SEC16B: variants seen among roughly 807,000 people sequenced by gnomAD.
SEC16B encodes SEC16 homolog B, endoplasmic reticulum export factor, also known as protein transport protein Sec16B.
SEC16B carries 115 observed loss-of-function variants against 141.8 expected under a neutral mutation model. The ratio of observed to expected loss-of-function variants is 0.81; its 90% CI spans 0.70 to 0.95. SEC16B has a LOEUF of 0.95. Ranked by LOEUF, SEC16B falls within the 40% of genes least tolerant of loss-of-function variation. The pLI, the probability that SEC16B is intolerant of heterozygous loss-of-function variation, is 0.00. For synonymous variants in SEC16B, 493 were observed against 492.5 expected (o/e 1.00, Z -0.01); for missense variants, 1,291 against 1,312.3 (o/e 0.98, Z 0.25).
chr1:177,940,474 G>A (rs1571314324), intron 17 of SEC16B, 136 bp downstream of exon 17: 1 of 608,860 alleles, frequency 1.6e-6, no homozygotes, highest in Non-Finnish European at 2.9e-6. Flanking sequence ...GTGCCTCATG[G>A]GTGATGGGAG....
At chr1:177,950,846 G>T (rs1652129550) in intron 12 of SEC16B, among the ~76,000 whole-genome samples, 1 of 150,588 alleles carries the variant, frequency 6.6e-6, no homozygotes, top group Non-Finnish European at 1.5e-5. Context: ...CACAGTAAAG[G>T]ACAGAGGAAG....
intron 5 of SEC16B, among the ~76,000 whole-genome samples, chr1:177,962,969 A>T (rs10737332): frequency 2.6e-5 from 4 of 151,126 alleles, no homozygotes; most frequent in African/African-American, 9.7e-5. Context: ...TTAGCTGGGC[A>T]TGGTGGTGCA....
chr1:177,963,176 C>T (rs952300358), intron 5 of SEC16B, among the ~76,000 whole-genome samples: 6 of 151,902 alleles, frequency 3.9e-5, no homozygotes, highest in African/African-American at 1.2e-4. Context: ...ATGTATGTGG[C>T]TGCTGTCATT....
chr1:177,964,044 G>A (rs1018745322), intron 5 of SEC16B, 127 bp downstream of exon 5: 13 of 629,210 alleles, frequency 2.1e-5, no homozygotes, highest in Non-Finnish European at 3.6e-5. Flanking sequence ...GCCAAGAGGG[G>A]AGGAATGGGT....
upstream of SEC16B, among the ~76,000 whole-genome samples, chr1:177,972,858 C>G (rs1186049826): frequency 6.6e-6 from 1 of 152,048 alleles, no homozygotes; most frequent in African/African-American, 2.4e-5. Context: ...AATTAGTTCC[C>G]TTATAAAAAG....
intron 14 of SEC16B, chr1:177,945,987 C>T (rs1265935864): frequency 3.3e-6 from 1 of 302,326 alleles, no homozygotes; most frequent in African/African-American, 2.2e-5. Context: ...TGCTAGGGCC[C>T]CAAAGAGGGA....
At chr1:177,940,363 A>G (rs1651184327) in intron 17 of SEC16B, among the ~76,000 whole-genome samples, 1 of 152,138 alleles carries the variant, frequency 6.6e-6, no homozygotes, top group African/African-American at 2.4e-5. Context: ...GACTGGGAAG[A>G]GCACCCCACC....
At chr1:177,936,390 T>C (rs1382855029) in intron 19 of SEC16B, 25 bp from the exon 20 acceptor site, 2 of 1,585,760 alleles carry the variant, frequency 1.3e-6, no homozygotes, top group East Asian at 2.2e-5. Flanking sequence ...GAAATGGAAA[T>C]AGCAATTGGA....
rs182045972 is a variant in SEC16B at position 177,963,327 on chromosome 1, G to A, written c.642+844C>T. ...CAAAATTACAACCCCATCTCTGGCC[G>A]AGCGTGGTGGCTCAGGCCTGTAATC... On this transcript the variant is annotated intron_variant, in intron 5 of 25. Coordinates refer to ENST00000308284, the MANE Select transcript of SEC16B (RefSeq NM_033127.4). Among the ~76,000 whole-genome samples, 573 of 151,756 alleles carry A rather than the reference G, an allele frequency of 3.8e-3. 3 individuals are homozygous for A. The highest frequency in any genetic ancestry group is 0.013 in the African/African-American group (538 of 41,454).
At chr1:177,970,426 G>A (rs773523505), upstream of SEC16B, among the ~76,000 whole-genome samples, 20 of 152,136 alleles carry the variant, frequency 1.3e-4, no homozygotes, top group Non-Finnish European at 1.6e-4. Flanking sequence ...CTGAAATGTT[G>A]GTAAAGCAGC....
chr1:177,970,632 G>T (rs546181451), upstream of SEC16B, among the ~76,000 whole-genome samples: 15 of 152,120 alleles, frequency 9.9e-5, no homozygotes, highest in Non-Finnish European at 1.6e-4. Flanking sequence ...AATAAATTCT[G>T]TCATCTAGCT....
intron 1 of SEC16B, among the ~76,000 whole-genome samples, 174 bp downstream of exon 1, chr1:177,969,710 A>T (rs1008528271): frequency 2.6e-5 from 4 of 152,112 alleles, no homozygotes; most frequent in Non-Finnish European, 4.4e-5. Context: ...CAAATAAATA[A>T]CACCTTCGAT....
chr1:177,938,006 G>A (rs1008691668), intron 18 of SEC16B, among the ~76,000 whole-genome samples: 1 of 152,128 alleles, frequency 6.6e-6, no homozygotes, highest in African/African-American at 2.4e-5. Context: ...CCAGGCAATG[G>A]TTAAGTCCCG....
chr1:177,958,043 T>C, intron 10 of SEC16B, 89 bp downstream of exon 10: 1 of 894,164 alleles, frequency 1.1e-6, no homozygotes, highest in Non-Finnish European at 1.6e-6. Flanking sequence ...AATGAGTATA[T>C]ACTATTCACA....
chr1:177,977,423 C>T (rs1476345790), intron 1 of SEC16B, among the ~76,000 whole-genome samples: 1 of 152,164 alleles, frequency 6.6e-6, no homozygotes, highest in Non-Finnish European at 1.5e-5. Context: ...CTCTCTATTG[C>T]TGGATAAAAA....
At position 177,937,570 on chromosome 1, in the gene SEC16B, T is replaced by C. The variant is rs1042940187; in HGVS notation, c.2204-57A>G. The C allele has an allele frequency of 1.1e-5, 15 of 1,362,486 alleles. No individual in the cohort carries two copies. The African/African-American group carries it at 1.8e-4, about 16-fold the overall frequency. The allele number at this position is 1,362,486 out of a possible 1,614,324, so 84.4% of individuals were successfully genotyped here. On this transcript the variant is annotated intron_variant, in intron 18 of 25. Coordinates refer to ENST00000308284, the MANE Select transcript of SEC16B (RefSeq NM_033127.4). The stretch of plus-strand genomic sequence containing the variant: ...GACCTGAAATGCGGCATTTGCATAC[T>C]GATCACACCAGAAACATTCCTGCTT...
chr1:177,968,584 C>T (rs535176795), intron 1 of SEC16B, among the ~76,000 whole-genome samples: 17 of 152,072 alleles, frequency 1.1e-4, no homozygotes, highest in Non-Finnish European at 4.4e-5. Flanking sequence ...ATGCGAAGTG[C>T]GTAACATGTT....
rs1258295905 is a variant in SEC16B at position 177,929,634 on chromosome 1, C to T, written c.*224G>A. 6 of 558,822 alleles carry T rather than the reference C, an allele frequency of 1.1e-5. No homozygotes were observed. In the Middle Eastern group the frequency reaches 1.4e-3, roughly 132 times the overall value. The allele number at this position is 558,822 out of a possible 1,614,324, so 34.6% of individuals were successfully genotyped here. A position where few individuals can be genotyped will look rare whatever the true frequency, so the allele number is the denominator to read the frequency against. ...TCTGCTATTAGACCCAGACTTTCCACCTGATGAAATAATTTCCATCATTGT... is the reference window on the plus strand; with the variant it reads ...TCTGCTATTAGACCCAGACTTTCCATCTGATGAAATAATTTCCATCATTGT... On this transcript the variant is annotated 3_prime_UTR_variant, in exon 26 of 26. Transcript: ENST00000308284.
intron 12 of SEC16B, chr1:177,948,668 A>T: frequency 7.9e-7 from 1 of 1,268,694 alleles, no homozygotes; most frequent in Non-Finnish European, 1.0e-6. Flanking sequence ...TCAAGGCAGA[A>T]AATATCAATA....
Sources: allele counts gnomAD v4.1 joint callset (sites outside exome capture counted in the v4.1 genomes callset), GRCh38; gene constraint gnomAD v4.1.1; transcripts MANE v1.5; gene names NCBI Gene and HGNC (gene_info 2026-07-23, HGNC 2026-07-21).